KDM5A: variants seen among roughly 807,000 people sequenced by gnomAD.
The protein encoded by KDM5A is lysine-specific demethylase 5A.
Under a neutral mutation model 193.5 loss-of-function variants are expected in KDM5A, and 42 were observed. The observed-to-expected ratio is 0.22, with a 90% CI of 0.17 to 0.28. The LOEUF is 0.28. Among genes scored for constraint, KDM5A ranks in the 10% least tolerant of loss-of-function variants. The pLI is 1.00. For missense variants in KDM5A, 1,692 were observed against 2,055.1 expected, an observed-to-expected ratio of 0.82 and a Z score of 3.42; for synonymous variants, 796 against 718.1, an observed-to-expected ratio of 1.11 and a Z score of -1.73.
intron 11 of KDM5A, 35 bp downstream of exon 11, chr12:334,206 G>A (rs79303687): frequency 1.3e-6 from 2 of 1,569,938 alleles, no homozygotes; most frequent in South Asian, 2.2e-5. Flanking sequence ...GACTTTAGTA[G>A]AGTTCATGCA....
At chr12:379,614 T>C (rs951903502) in intron 3 of KDM5A, among the ~76,000 whole-genome samples, 5 of 152,154 alleles carry the variant, frequency 3.3e-5, no homozygotes, top group African/African-American at 1.2e-4. Flanking sequence ...TAAACTAAAA[T>C]AACTACAAAT....
chr12:356,615 G>C, intron 5 of KDM5A, 78 bp from the exon 6 acceptor site: 1 of 903,186 alleles, frequency 1.1e-6, no homozygotes, highest in Non-Finnish European at 1.8e-6. Flanking sequence ...GAAAGTTTCA[G>C]AATCCTCTTC....
rs1174980094 is a variant in KDM5A at position 323,234 on chromosome 12, A to G, written c.2151-28T>C. 10 of 1,500,804 alleles carry G rather than the reference A, an allele frequency of 6.7e-6. 1 individual carries two copies. Among genetic ancestry groups the G allele is most frequent in the Middle Eastern group, 2.3e-4 (1 of 4,436 alleles). The allele number at this position is 1,500,804 out of a possible 1,614,324, so 93.0% of individuals were successfully genotyped here. ...ACAAAAAAAAAAAAAAAAAAAAAAA[A>G]AAAAAGAAAACAGAAATAAAAACCT... On this transcript the variant is annotated intron_variant, in intron 15 of 27. Transcript: ENST00000399788.
intron 27 of KDM5A, among the ~76,000 whole-genome samples, chr12:289,111 C>A (rs766262319): frequency 3.3e-5 from 5 of 152,032 alleles, no homozygotes; most frequent in Admixed American, 1.3e-4. Flanking sequence ...TAATTTACCA[C>A]ACAAAACTTC....
intron 10 of KDM5A, among the ~76,000 whole-genome samples, chr12:344,858 T>C (rs1944050089): frequency 6.6e-6 from 1 of 152,084 alleles, no homozygotes; most frequent in African/African-American, 2.4e-5. Flanking sequence ...ACTGCATCAA[T>C]TCATGGGCAA....
At chr12:291,314 C>T (rs1943291069) in intron 27 of KDM5A, among the ~76,000 whole-genome samples, 1 of 152,054 alleles carries the variant, frequency 6.6e-6, no homozygotes, top group Admixed American at 6.5e-5. Context: ...AATAGAATAC[C>T]CCTAATACAT....
chr12:382,044 C>T (rs1944579926), intron 3 of KDM5A, among the ~76,000 whole-genome samples: 1 of 152,122 alleles, frequency 6.6e-6, no homozygotes, highest in African/African-American at 2.4e-5. Context: ...CTCCTAGGTT[C>T]AAGCAATCCT....
intron 26 of KDM5A, 21 bp from the exon 27 acceptor site, chr12:293,190 G>C (rs768582549): frequency 1.3e-6 from 2 of 1,597,902 alleles, no homozygotes; most frequent in South Asian, 1.1e-5. Context: ...ATAAATTTAG[G>C]AACAATTTTA....
At chr12:324,085 T>C (rs182769403) in intron 14 of KDM5A, among the ~76,000 whole-genome samples, 13 of 152,120 alleles carry the variant, frequency 8.5e-5, no homozygotes, top group Admixed American at 6.5e-4. Flanking sequence ...GGCGGAAGGA[T>C]TGTTTGAAGC....
chr12:356,469 C>T lies in KDM5A; in HGVS notation c.741G>A (p.Lys247=), dbSNP rs770556384. The stretch of plus-strand genomic sequence containing the variant: ...TTGTTCCCATTGCCAAGCCCACAAC[C>T]TTGGGCCCAGCCCCAAAAATCTGAA... ...KKLQIFGAGP[K]VVGLAMGTKD... The change falls in exon 6 of 28, where the codon AAG becomes AAA. Residue 247 remains lysine (K), a synonymous_variant. Coordinates refer to ENST00000399788, the MANE Select transcript of KDM5A (RefSeq NM_001042603.3). 11 of 1,613,222 alleles carry T rather than the reference C, an allele frequency of 6.8e-6. No homozygotes were observed. Among genetic ancestry groups the T allele is most frequent in the South Asian group, 1.1e-5 (1 of 91,070 alleles).
intron 27 of KDM5A, among the ~76,000 whole-genome samples, chr12:291,568 T>C (rs2137363004): frequency 6.6e-6 from 1 of 152,204 alleles, no homozygotes; most frequent in East Asian, 1.9e-4. Flanking sequence ...CTTCAAGCTC[T>C]AAAAAGGTTT....
intron 24 of KDM5A, among the ~76,000 whole-genome samples, chr12:306,699 C>T (rs1453366675): frequency 6.7e-6 from 1 of 150,372 alleles, no homozygotes; most frequent in Non-Finnish European, 1.5e-5. Flanking sequence ...ACAGAGATCG[C>T]GCCATTGCAT....
chr12:325,525 A>T (rs1943771716), intron 14 of KDM5A, among the ~76,000 whole-genome samples: 1 of 151,882 alleles, frequency 6.6e-6, no homozygotes, highest in African/African-American at 2.4e-5. Flanking sequence ...AAAAATACAA[A>T]AATTACTGGG....
intron 10 of KDM5A, among the ~76,000 whole-genome samples, chr12:335,097 G>A (rs1379809675): frequency 6.6e-6 from 1 of 152,090 alleles, no homozygotes; most frequent in Non-Finnish European, 1.5e-5. Context: ...TAGAAATACT[G>A]GATAAATTAT....
At chr12:361,474 G>A (rs1197861350) in intron 5 of KDM5A, among the ~76,000 whole-genome samples, 1 of 152,116 alleles carries the variant, frequency 6.6e-6, no homozygotes, top group Non-Finnish European at 1.5e-5. Context: ...GATTACAGGC[G>A]TGAGCCACCA....
intron 3 of KDM5A, among the ~76,000 whole-genome samples, chr12:382,078 T>C (rs1944580355): frequency 6.6e-6 from 1 of 152,236 alleles, no homozygotes; most frequent in Non-Finnish European, 1.5e-5. Flanking sequence ...CCCAAAGTGC[T>C]GGGATTATAG....
At chr12:327,751 G>A (rs1333147240) in intron 14 of KDM5A, among the ~76,000 whole-genome samples, 2 of 151,814 alleles carry the variant, frequency 1.3e-5, no homozygotes, top group Non-Finnish European at 2.9e-5. Flanking sequence ...GGTGGCTCAT[G>A]CCTGTAATCC....
intron 7 of KDM5A, among the ~76,000 whole-genome samples, chr12:354,714 C>T (rs1026293423): frequency 6.6e-6 from 1 of 152,014 alleles, no homozygotes; most frequent in Non-Finnish European, 1.5e-5. Flanking sequence ...TTGCAGTGAG[C>T]CGAGATCGCA....
Position 324,908 on chromosome 12 carries a change from G to A in KDM5A, c.1969-1127C>T, listed in dbSNP as rs757631337. 4.6e-5 allele frequency among the ~76,000 whole-genome samples: 7 copies of A among 151,856 alleles called. 1 individual carries two copies. The highest frequency in any genetic ancestry group is 1.7e-4 in the African/African-American group (7 of 41,378). ...AAAAAAAAAGAATGTAAGAGCATAT[G>A]AAGTGCATTTTACCAAACACCTCCA... On this transcript the variant is annotated intron_variant, in intron 14 of 27. Coordinates refer to ENST00000399788, the MANE Select transcript of KDM5A (RefSeq NM_001042603.3).
Sources: gnomAD v4.1 joint callset for allele counts (sites outside exome capture counted in the v4.1 genomes callset) on GRCh38, gnomAD v4.1.1 for gene constraint, MANE v1.5 for transcripts, NCBI Gene and HGNC (gene_info 2026-07-23, HGNC 2026-07-21) for gene names.